The following CAPN13 variants were observed in gnomAD, a reference collection of about 807,000 sequenced individuals.
CAPN13 encodes calpain-13.
In CAPN13, 90 loss-of-function variants were observed where a neutral mutation model predicts 98.4. The observed-to-expected ratio is 0.92, with a 90% CI of 0.77 to 1.09. CAPN13 has a LOEUF of 1.09. CAPN13 is among the 50% of genes least tolerant of loss of function. The probability of loss-of-function intolerance (pLI) is 0.00; values close to 1 mark genes in which losing one functional copy is unlikely to be tolerated. For synonymous variants in CAPN13, 330 were observed against 305.5 expected (o/e 1.08, Z -0.84); for missense variants, 887 against 841.3 (o/e 1.05, Z -0.67).
At chr2:30,752,226 G>C (rs980176453) in intron 10 of CAPN13, among the ~76,000 whole-genome samples, 1 of 152,222 alleles carries the variant, frequency 6.6e-6, no homozygotes, top group African/African-American at 2.4e-5. Flanking sequence ...CAACCATCCC[G>C]ACAGGCAGGT....
chr2:30,751,514 T>C (rs1056797940), intron 10 of CAPN13, among the ~76,000 whole-genome samples: 1 of 152,360 alleles, frequency 6.6e-6, no homozygotes, highest in African/African-American at 2.4e-5. Flanking sequence ...CAAAGTCTAT[T>C]TTATAATGAT....
At chr2:30,741,736 G>A (rs960400554) in intron 15 of CAPN13, 172 bp downstream of exon 15, 29 of 1,462,438 alleles carry the variant, frequency 2.0e-5, no homozygotes, top group Middle Eastern at 2.5e-4. Context: ...CGTCTCTACC[G>A]AGCTTGGCAG....
At chr2:30,768,920 G>C (rs1673245160) in intron 5 of CAPN13, among the ~76,000 whole-genome samples, 1 of 151,934 alleles carries the variant, frequency 6.6e-6, no homozygotes, top group Non-Finnish European at 1.5e-5. Context: ...CCAGGATGTG[G>C]GGATCCAGGA....
Position 30,796,131 on chromosome 2 carries a change from TATATATATGTGTGTATATATATATATAC to T in CAPN13, c.-32-8802_-32-8775del, listed in dbSNP as rs1487052377. Reference sequence around the variant, plus strand: ...CTTACTTTGCAGGAAGAGAATTACATATATATATGTGTGTATATATATATATACATATATATGTGTGTATATATATATA... The same window carrying T: ...CTTACTTTGCAGGAAGAGAATTACATATATATATGTGTGTATATATATATA... On this transcript the variant is annotated intron_variant, in intron 1 of 22. Transcript: ENST00000295055. Among the ~76,000 whole-genome samples, 43 of 138,642 alleles carry T rather than the reference TATATATATGTGTGTATATATATATATAC, an allele frequency of 3.1e-4. No individual in the cohort carries two copies. In the East Asian group the frequency reaches 6.9e-3, roughly 22 times the overall value. 91.0% of individuals were successfully genotyped at this position (138,642 alleles called of 152,430 possible).
chr2:30,749,803 C>G (rs6548030), intron 11 of CAPN13, among the ~76,000 whole-genome samples: 79,916 of 151,954 alleles, frequency 0.53, 22,555 homozygotes, highest in African/African-American at 0.75. Context: ...AGAAGCTGTG[C>G]GGTGTATGGT....
intron 15 of CAPN13, among the ~76,000 whole-genome samples, chr2:30,739,285 G>T (rs140579647): frequency 2.6e-5 from 4 of 152,118 alleles, no homozygotes; most frequent in Non-Finnish European, 5.9e-5. Context: ...GGGAGCTGGC[G>T]CTGGAAAGAT....
chr2:30,731,714 ATT>A (rs1259981774), intron 20 of CAPN13, among the ~76,000 whole-genome samples: 1 of 152,100 alleles, frequency 6.6e-6, no homozygotes, highest in Non-Finnish European at 1.5e-5. Flanking sequence ...AGGGCTTGTC[ATT>A]CTTTCAGTGA....
chr2:30,758,788 TTCCTTTCCTTCCTC>T (rs1672606693), intron 7 of CAPN13, among the ~76,000 whole-genome samples: 1 of 41,936 alleles, frequency 2.4e-5, no homozygotes, highest in South Asian at 9.5e-4. Flanking sequence ...CTCCCTCCCT[TTCCTTTCCTTCCTC>T]CCTCCCTTCC....
chr2:30,764,072 C>T, intron 6 of CAPN13, 60 bp downstream of exon 6: 1 of 1,490,534 alleles, frequency 6.7e-7, no homozygotes, highest in Non-Finnish European at 9.1e-7. Flanking sequence ...GGACCCCTGG[C>T]TGAGCATTCC....
rs1461075337 is a variant in CAPN13 at position 30,763,123 on chromosome 2, G to A, written c.733C>T (p.Leu245=). The change falls in exon 7 of 23, where the codon CTG becomes TTG. Residue 245 remains leucine, a synonymous_variant. Coordinates refer to ENST00000295055, the MANE Select transcript of CAPN13 (RefSeq NM_144575.3). ...ACAGTGTAGGCATGGAGACTCACCA[G>A]CCCATTCTCCATCGCCTGTGCTGTA... is the stretch of plus-strand genomic sequence containing the variant. The part of the protein sequence containing the change: ...TDTAQAMENG[L]VSLHAYTVTG... 1.2e-6 allele frequency: 2 copies of A among 1,611,608 alleles called. No homozygotes were observed. Among genetic ancestry groups the A allele is most frequent in the Non-Finnish European group, 1.7e-6 (2 of 1,179,046 alleles).
At chr2:30,741,489 T>G in intron 15 of CAPN13, 1 of 1,027,862 alleles carries the variant, frequency 9.7e-7, no homozygotes, top group Non-Finnish European at 1.2e-6. Context: ...TGCACATAGG[T>G]GGTTTGGCAG....
At chr2:30,784,629 C>A (rs1482249407) in intron 2 of CAPN13, among the ~76,000 whole-genome samples, 1 of 152,072 alleles carries the variant, frequency 6.6e-6, no homozygotes, top group African/African-American at 2.4e-5. Context: ...AGGCAGGAGC[C>A]CAGAATAGGA....
At chr2:30,798,755 C>T (rs565004933) in intron 1 of CAPN13, among the ~76,000 whole-genome samples, 94 of 152,220 alleles carry the variant, frequency 6.2e-4, no homozygotes, top group Non-Finnish European at 1.1e-3. Flanking sequence ...TGAAATGGTG[C>T]CCAAACCCTG....
At chr2:30,798,595 G>T (rs1308515424) in intron 1 of CAPN13, among the ~76,000 whole-genome samples, 1 of 152,218 alleles carries the variant, frequency 6.6e-6, no homozygotes, top group Non-Finnish European at 1.5e-5. Flanking sequence ...AATCAGCTAA[G>T]AAACAGGAAG....
chr2:30,750,781 A>G (rs1672134269), intron 11 of CAPN13, among the ~76,000 whole-genome samples: 1 of 152,210 alleles, frequency 6.6e-6, no homozygotes, highest in Non-Finnish European at 1.5e-5. Context: ...GTAAGCCCAG[A>G]ATCTGCTTTG....
chr2:30,734,345 C>A, intron 19 of CAPN13, 104 bp downstream of exon 19: 1 of 860,444 alleles, frequency 1.2e-6, no homozygotes, highest in South Asian at 1.4e-5. Context: ...GCGCTCCTCT[C>A]TCCTGATTGC....
At chr2:30,761,420 C>T (rs13395524) in intron 7 of CAPN13, among the ~76,000 whole-genome samples, 10,550 of 152,178 alleles carry the variant, frequency 0.069, 1,152 homozygotes, top group African/African-American at 0.23. Context: ...GACTCCCGAG[C>T]TCCCCTTTGT....
chr2:30,743,836 T>C, intron 12 of CAPN13: 3 of 594,302 alleles, frequency 5.0e-6, no homozygotes, highest in Admixed American at 2.3e-5. Context: ...AACAGCATCC[T>C]GAGTTTCTGA....
chr2:30,751,853 C>G (rs919305103), intron 10 of CAPN13, among the ~76,000 whole-genome samples: 2 of 152,204 alleles, frequency 1.3e-5, no homozygotes, highest in Non-Finnish European at 2.9e-5. Context: ...ATAGCATGGA[C>G]GTGCTGCGAG....
Sources: gnomAD v4.1 joint callset for allele counts (sites outside exome capture counted in the v4.1 genomes callset) on GRCh38, gnomAD v4.1.1 for gene constraint, MANE v1.5 for transcripts, NCBI Gene and HGNC (gene_info 2026-07-23, HGNC 2026-07-21) for gene names.